Variants in B3GNT2 observed in about 807,000 individuals in gnomAD.
B3GNT2 encodes N-acetyllactosaminide beta-1,3-N-acetylglucosaminyltransferase 2.
B3GNT2 carries 12 observed loss-of-function variants against 27.6 expected under a neutral mutation model. The ratio of observed to expected loss-of-function variants is 0.44; its 90% CI spans 0.28 to 0.71. B3GNT2 has a LOEUF of 0.71. Among genes scored for constraint, B3GNT2 ranks in the 30% least tolerant of loss-of-function variants. B3GNT2 has a pLI of 0.17. For synonymous variants in B3GNT2, 192 were observed against 189.7 expected, an observed-to-expected ratio of 1.01 and a Z score of -0.10; for missense variants, 413 against 488.5, an observed-to-expected ratio of 0.85 and a Z score of 1.46.
chr2:62,216,700 A>T (rs2104206404), intron 1 of B3GNT2, among the ~76,000 whole-genome samples: 1 of 152,332 alleles, frequency 6.6e-6, no homozygotes, highest in South Asian at 2.1e-4. Context: ...CATGGCACCC[A>T]GCCCATAGCT....
intron 1 of B3GNT2, chr2:62,221,830 T>C (rs766975634): frequency 7.6e-6 from 4 of 523,562 alleles, no homozygotes; most frequent in Non-Finnish European, 1.5e-5. Flanking sequence ...TATGTGCCAT[T>C]GTAAGCAAGG....
chr2:62,202,547 C>G (rs1674288569), intron 1 of B3GNT2, among the ~76,000 whole-genome samples: 3 of 152,016 alleles, frequency 2.0e-5, no homozygotes, highest in Admixed American at 1.3e-4. Context: ...AGTGAAAGTT[C>G]TTGTGGTCAG....
intron 1 of B3GNT2, among the ~76,000 whole-genome samples, chr2:62,213,219 G>A (rs535946635): frequency 3.3e-5 from 5 of 152,178 alleles, no homozygotes; most frequent in Admixed American, 6.5e-5. Context: ...TGGAAGGATC[G>A]CTTGGGCCTG....
chr2:62,220,943 T>G (rs1004103427), intron 1 of B3GNT2, among the ~76,000 whole-genome samples: 1 of 152,214 alleles, frequency 6.6e-6, no homozygotes, highest in South Asian at 2.1e-4. Context: ...TCTTTTGATA[T>G]TTCACTAAAA....
At position 62,196,129 on chromosome 2, in the gene B3GNT2, C is replaced by CGCAGCG. The variant is rs534335819; in HGVS notation, c.-224_-219dup. On this transcript the variant is annotated 5_prime_UTR_variant, in exon 1 of 2. Transcript: ENST00000301998. ...CCTGGAACCGGAGCCTGGAGTGAGGCGCAGCGGCAGCGGCAGCAGCGGCAA... is the reference window on the plus strand; with the variant it reads ...CCTGGAACCGGAGCCTGGAGTGAGGCGCAGCGGCAGCGGCAGCGGCAGCAGCGGCAA... 7.5e-3 allele frequency: 1,137 copies of CGCAGCG among 151,910 alleles called. 9 individuals carry two copies. Among genetic ancestry groups the CGCAGCG allele is most frequent in the African/African-American group, 0.013 (542 of 41,486 alleles). The allele number at this position is 151,910 out of a possible 1,614,324, so 9.4% of individuals were successfully genotyped here.
intron 1 of B3GNT2, among the ~76,000 whole-genome samples, chr2:62,210,695 G>A (rs191651376): frequency 1.4e-4 from 22 of 152,004 alleles, no homozygotes; most frequent in Admixed American, 7.2e-4. Flanking sequence ...ACTTGAACCC[G>A]GGAGGCAGGG....
intron 1 of B3GNT2, among the ~76,000 whole-genome samples, chr2:62,220,698 G>C (rs1674674456): frequency 6.6e-6 from 1 of 152,136 alleles, no homozygotes; most frequent in Admixed American, 6.5e-5. Flanking sequence ...TATAAAATGG[G>C]AATGAGTAAT....
intron 1 of B3GNT2, among the ~76,000 whole-genome samples, chr2:62,203,661 T>A (rs1329985568): frequency 6.6e-6 from 1 of 152,100 alleles, no homozygotes; most frequent in African/African-American, 2.4e-5. Flanking sequence ...ACAAGGAGCA[T>A]GTGCCTGGTG....
At position 62,223,110 on chromosome 2, in the gene B3GNT2, C is replaced by G. The variant is rs1354955914; in HGVS notation, c.890C>G (p.Ser297Cys). 1 of 1,614,210 alleles carries G rather than the reference C, an allele frequency of 6.2e-7. No individual in the cohort carries two copies. Among genetic ancestry groups the G allele is most frequent in the Non-Finnish European group, 8.5e-7 (1 of 1,180,044 alleles). Reference sequence around the variant, plus strand: ...TACTACATCCCAGAAGTTGTTTACTCTGGCCTCTACCCACCCTATGCAGGG... The same window carrying G: ...TACTACATCCCAGAAGTTGTTTACTGTGGCCTCTACCCACCCTATGCAGGG... ...LKYYIPEVVY[S>C]GLYPPYAGGG... The change falls in exon 2 of 2, where the codon TCT (serine) becomes TGT (cysteine). Residue 297 changes from serine (S) to cysteine (C), a missense_variant. Physicochemically the swap from Ser to Cys is moderately radical, Grantham distance 112. Transcript: ENST00000301998.
Position 62,223,636 on chromosome 2 carries a change from G to C in B3GNT2, c.*222G>C. Reference sequence around the variant, plus strand: ...ATGATATGGCAGGATGATTGGTTCTGATCTTACCGGCTAGTGGTCATTTTT... The same window carrying C: ...ATGATATGGCAGGATGATTGGTTCTCATCTTACCGGCTAGTGGTCATTTTT... On this transcript the variant is annotated 3_prime_UTR_variant, in exon 2 of 2. Coordinates refer to ENST00000301998, the MANE Select transcript of B3GNT2 (RefSeq NM_006577.6). 2 of 466,258 alleles carry C rather than the reference G, an allele frequency of 4.3e-6. No homozygotes were observed. Among genetic ancestry groups the C allele is most frequent in the South Asian group, 7.2e-5 (2 of 27,634 alleles). The allele number at this position is 466,258 out of a possible 1,614,324, so 28.9% of individuals were successfully genotyped here.
At position 62,200,502 on chromosome 2, in the gene B3GNT2, C is replaced by T. The variant is rs1373199741; in HGVS notation, c.-10+4147C>T. 2.0e-5 allele frequency among the ~76,000 whole-genome samples: 3 copies of T among 152,068 alleles called. No individual in the cohort carries two copies. In the South Asian group the frequency reaches 6.2e-4, roughly 32 times the overall value. ...TTCTGGCATGTGGCTAGATTCTGTCCGAGTGCCATGTGGTGGTTTAGTGGT... is the reference window on the plus strand; with the variant it reads ...TTCTGGCATGTGGCTAGATTCTGTCTGAGTGCCATGTGGTGGTTTAGTGGT... On this transcript the variant is annotated intron_variant, in intron 1 of 1. Transcript: ENST00000301998.
chr2:62,210,205 C>G (rs970329416), intron 1 of B3GNT2, among the ~76,000 whole-genome samples: 2 of 152,176 alleles, frequency 1.3e-5, no homozygotes, highest in East Asian at 1.9e-4. Context: ...CAATCCTCCT[C>G]GAGCAACGGT....
At chr2:62,199,148 C>T (rs1287850422) in intron 1 of B3GNT2, among the ~76,000 whole-genome samples, 1 of 152,112 alleles carries the variant, frequency 6.6e-6, no homozygotes, top group African/African-American at 2.4e-5. Flanking sequence ...ACTGTGTTGG[C>T]CAGGCTGGTC....
At chr2:62,204,235 A>C (rs1304448230) in intron 1 of B3GNT2, among the ~76,000 whole-genome samples, 2 of 152,198 alleles carry the variant, frequency 1.3e-5, no homozygotes, top group African/African-American at 4.8e-5. Flanking sequence ...CGTGCTGGTC[A>C]GGCTGGTCTC....
chr2:62,222,487 TATA>T lies in B3GNT2; in HGVS notation c.269_271del (p.Ile90del). 6.2e-7 allele frequency: 1 copy of T among 1,614,042 alleles called. No homozygotes were observed. The highest frequency in any genetic ancestry group is 1.1e-5 in the South Asian group (1 of 91,066). On this transcript the variant is annotated inframe_deletion, in exon 2 of 2. Coordinates refer to ENST00000301998, the MANE Select transcript of B3GNT2 (RefSeq NM_006577.6). This position sits in a 1 kb window ranked among gnomAD's most constrained non-coding sequence, Gnocchi z 4.2. ...CGGGGGAGGCGGGCAGGCTCTCCAA[TATA>T]AGCCATCTGAACTACTGCGAACCTG...
In B3GNT2 at chr2:62,223,305, A is replaced by T. The variant is rs764324494; in HGVS notation, c.1085A>T (p.Asn362Ile). 3.7e-6 allele frequency: 6 copies of T among 1,614,202 alleles called. No individual in the cohort carries two copies. In the South Asian group the frequency reaches 5.5e-5, roughly 15 times the overall value. ...GFRTFDIEEK[N>I]KNNICSYVDL... ...AGGACATTTGATATCGAGGAGAAAAACAAAAATAACATCTGCTCCTATGTA... is the reference window on the plus strand; with the variant it reads ...AGGACATTTGATATCGAGGAGAAAATCAAAAATAACATCTGCTCCTATGTA... Residue 362 changes from asparagine to isoleucine, a missense_variant, in exon 2 of 2, where the codon AAC (asparagine) becomes ATC (isoleucine). Physicochemically the swap from Asn to Ile is moderately radical, Grantham distance 149. Coordinates refer to ENST00000301998, the MANE Select transcript of B3GNT2 (RefSeq NM_006577.6).
intron 1 of B3GNT2, among the ~76,000 whole-genome samples, chr2:62,198,022 G>C (rs545634654): frequency 6.6e-6 from 1 of 152,232 alleles, no homozygotes; most frequent in South Asian, 2.1e-4. Context: ...AGTAATTTGA[G>C]TAATCCTTTT....
chr2:62,203,520 T>A (rs894893563), intron 1 of B3GNT2, among the ~76,000 whole-genome samples: 1 of 152,060 alleles, frequency 6.6e-6, no homozygotes, highest in Non-Finnish European at 1.5e-5. Flanking sequence ...TGGGGGTTCC[T>A]GAGCTTGGGG....
At chr2:62,203,026 T>C (rs996692915) in intron 1 of B3GNT2, among the ~76,000 whole-genome samples, 3 of 152,240 alleles carry the variant, frequency 2.0e-5, no homozygotes, top group Non-Finnish European at 4.4e-5. Context: ...CCTTATCCCC[T>C]GTGCAGTGCT....
Sources: gnomAD v4.1 joint callset for allele counts (sites outside exome capture counted in the v4.1 genomes callset) on GRCh38, gnomAD v4.1.1 for gene constraint, Gnocchi (gnomAD v3.1) non-coding constraint, MANE v1.5 for transcripts, NCBI Gene and HGNC (gene_info 2026-07-23, HGNC 2026-07-21) for gene names.